Variants in ZDHHC15 observed in about 807,000 individuals in gnomAD.
ZDHHC15 encodes the protein palmitoyltransferase ZDHHC15.
ZDHHC15 carries 19 observed loss-of-function variants against 31.7 expected under a neutral mutation model. The observed-to-expected ratio is 0.60, with a 90% CI of 0.42 to 0.88. ZDHHC15 has a LOEUF of 0.88. Ranked by LOEUF, ZDHHC15 falls within the 40% of genes least tolerant of loss-of-function variation. ZDHHC15 has a pLI of 0.00. For missense variants in ZDHHC15, 209 were observed against 251.2 expected (o/e 0.83, Z 1.14); for synonymous variants, 103 against 90.0 (o/e 1.14, Z -0.82).
intron 7 of ZDHHC15, 75 bp from the exon 8 acceptor site, chrX:75,424,859 G>C: frequency 9.8e-7 from 1 of 1,022,002 alleles, no homozygotes; most frequent in East Asian, 3.5e-5. Flanking sequence ...ATATAGGTTA[G>C]TAGTTTTCAC....
chrX:75,489,950 C>A (rs1396069873), intron 2 of ZDHHC15, among the ~76,000 whole-genome samples: 1 of 111,990 alleles, frequency 8.9e-6, no homozygotes, highest in Non-Finnish European at 1.9e-5. Flanking sequence ...AATGCACTAG[C>A]CTCAGTAGCC....
chrX:75,415,556 GA>G (rs1435231990), intron 10 of ZDHHC15, among the ~76,000 whole-genome samples: 2 of 111,839 alleles, frequency 1.8e-5, no homozygotes, highest in Admixed American at 9.5e-5. Flanking sequence ...CATTGTAGTG[GA>G]AAAAAACTAG....
chrX:75,434,168 G>T (rs776682783), intron 4 of ZDHHC15, among the ~76,000 whole-genome samples: 2 of 111,588 alleles, frequency 1.8e-5, no homozygotes, highest in South Asian at 7.6e-4. Flanking sequence ...CAGGTCCTTA[G>T]CCCACTTTTT....
At chrX:75,397,824 G>A (rs1459694287) in intron 10 of ZDHHC15, among the ~76,000 whole-genome samples, 1 of 111,611 alleles carries the variant, frequency 9.0e-6, no homozygotes, top group East Asian at 2.8e-4. Context: ...CTCCACCCAG[G>A]GAAGCCATGC....
At chrX:75,401,457 T>TA (rs1397564653) in intron 10 of ZDHHC15, among the ~76,000 whole-genome samples, 2 of 111,089 alleles carry the variant, frequency 1.8e-5, no homozygotes, top group Non-Finnish European at 3.8e-5. Context: ...CAAGCTGAGT[T>TA]AAAAAGCAAG....
intron 10 of ZDHHC15, among the ~76,000 whole-genome samples, chrX:75,414,456 G>A (rs1205032698): frequency 4.1e-5 from 3 of 73,786 alleles, no homozygotes; most frequent in African/African-American, 1.5e-4. Flanking sequence ...TTGAGACACA[G>A]TCTCGCTCTG....
intron 4 of ZDHHC15, among the ~76,000 whole-genome samples, chrX:75,447,311 C>T (rs1602640573): frequency 8.9e-6 from 1 of 112,523 alleles, no homozygotes; most frequent in African/African-American, 3.2e-5. Flanking sequence ...GATTTGTCTT[C>T]CCTGCATGCT....
chrX:75,390,919 C>T (rs2083235980), intron 10 of ZDHHC15, among the ~76,000 whole-genome samples: 1 of 111,745 alleles, frequency 8.9e-6, no homozygotes, highest in African/African-American at 3.3e-5. Context: ...GTAGACCTTT[C>T]AGACAGGAGA....
Position 75,376,258 on chromosome X carries a change from GT to G in ZDHHC15, c.*32+2861del, listed in dbSNP as rs60979611. On this transcript the variant is annotated intron_variant, in intron 11 of 11. Transcript: ENST00000373367. ...TCCTTTGCCCATTTTTAATGGGGTTGTTTTTTTTTTTTTGCTTGTTAAGTTC... is the reference window on the plus strand; with the variant it reads ...TCCTTTGCCCATTTTTAATGGGGTTGTTTTTTTTTTTTGCTTGTTAAGTTC... Among the ~76,000 whole-genome samples, 316 of 92,574 alleles carry G rather than the reference GT, an allele frequency of 3.4e-3. 1 individual carries two copies. The highest frequency in any genetic ancestry group is 0.011 in the African/African-American group (281 of 25,689). The allele number at this position is 92,574 out of a possible 115,157, so 80.4% of individuals were successfully genotyped here. A position where few individuals can be genotyped will look rare whatever the true frequency, so the allele number is the denominator to read the frequency against.
At chrX:75,472,638 T>C (rs1450122787) in intron 3 of ZDHHC15, among the ~76,000 whole-genome samples, 3 of 111,777 alleles carry the variant, frequency 2.7e-5, no homozygotes, top group South Asian at 3.8e-4. Context: ...CAGAGGAGGA[T>C]TTTAATAATC....
intron 3 of ZDHHC15, among the ~76,000 whole-genome samples, chrX:75,451,909 A>T (rs1371609136): frequency 1.8e-5 from 2 of 111,787 alleles, no homozygotes; most frequent in East Asian, 5.6e-4. Flanking sequence ...AACAACTGGT[A>T]CCAGCCACTG....
intron 3 of ZDHHC15, among the ~76,000 whole-genome samples, chrX:75,461,437 C>T: frequency 9.0e-6 from 1 of 110,852 alleles, no homozygotes; most frequent in Non-Finnish European, 1.9e-5. Context: ...GCAGAGAACC[C>T]CAGTAAGATA....
intron 3 of ZDHHC15, among the ~76,000 whole-genome samples, chrX:75,478,605 C>A (rs1569351569): frequency 9.0e-6 from 1 of 111,363 alleles, no homozygotes; most frequent in Non-Finnish European, 1.9e-5. Flanking sequence ...TCTCAAACTC[C>A]TAGCTTCAAG....
At chrX:75,509,539 A>G (rs1200005673) in intron 1 of ZDHHC15, among the ~76,000 whole-genome samples, 1 of 111,777 alleles carries the variant, frequency 8.9e-6, no homozygotes, top group Non-Finnish European at 1.9e-5. Flanking sequence ...TTACAACATG[A>G]AGTTCTTTTT....
intron 2 of ZDHHC15, among the ~76,000 whole-genome samples, chrX:75,481,096 C>T (rs1164314102): frequency 9.1e-6 from 1 of 110,427 alleles, no homozygotes; most frequent in Non-Finnish European, 1.9e-5. Context: ...TTAGGCAATG[C>T]CTTTAAATTT....
chrX:75,387,391 C>A (rs2083191242), intron 10 of ZDHHC15, among the ~76,000 whole-genome samples: 2 of 110,860 alleles, frequency 1.8e-5, no homozygotes, highest in Admixed American at 1.9e-4. Flanking sequence ...TTCAAAATGG[C>A]AATATTATGG....
At chrX:75,419,526 T>C (rs1459733708) in intron 9 of ZDHHC15, among the ~76,000 whole-genome samples, 1 of 111,100 alleles carries the variant, frequency 9.0e-6, no homozygotes, top group Non-Finnish European at 1.9e-5. Flanking sequence ...TCAACCATTG[T>C]GGAAGTCAGT....
At chrX:75,400,565 A>G (rs1012137580) in intron 10 of ZDHHC15, among the ~76,000 whole-genome samples, 3 of 112,210 alleles carry the variant, frequency 2.7e-5, no homozygotes, top group African/African-American at 9.7e-5. Context: ...ATTTCAGGAT[A>G]TTGTCCATGA....
intron 2 of ZDHHC15, among the ~76,000 whole-genome samples, chrX:75,503,038 G>A (rs2085110351): frequency 9.1e-6 from 1 of 109,822 alleles, no homozygotes; most frequent in Non-Finnish European, 1.9e-5. Flanking sequence ...TGAAGTGATG[G>A]ATATCCCATT....
Sources: gnomAD v4.1 joint callset for allele counts (sites outside exome capture counted in the v4.1 genomes callset) on GRCh38, gnomAD v4.1.1 for gene constraint, MANE v1.5 for transcripts, NCBI Gene and HGNC (gene_info 2026-07-23, HGNC 2026-07-21) for gene names.